Variants in PIEZO2 observed in about 807,000 individuals in gnomAD.
PIEZO2 encodes the protein piezo type mechanosensitive ion channel component 2.
PIEZO2 carries 172 observed loss-of-function variants against 337.3 expected under a neutral mutation model. The ratio of observed to expected loss-of-function variants is 0.51; its 90% CI spans 0.45 to 0.58. PIEZO2 has a LOEUF of 0.58. PIEZO2 is among the 20% of genes least tolerant of loss of function. The probability of loss-of-function intolerance (pLI) is 0.00; values close to 1 mark genes in which losing one functional copy is unlikely to be tolerated. For synonymous variants in PIEZO2, 1,251 were observed against 1,228.5 expected (o/e 1.02, Z -0.38); for missense variants, 3,028 against 3,391.3 (o/e 0.89, Z 2.66).
chr18:10,992,417 A>G (rs1390025786), intron 2 of PIEZO2, among the ~76,000 whole-genome samples: 2 of 152,194 alleles, frequency 1.3e-5, no homozygotes, highest in Non-Finnish European at 1.5e-5. Context: ...ACAAGGTGTA[A>G]GGAAGGGGTC....
intron 7 of PIEZO2, 81 bp from the exon 8 acceptor site, chr18:10,807,355 G>A: frequency 7.6e-7 from 1 of 1,315,010 alleles, no homozygotes. Flanking sequence ...CTTTGTTTTT[G>A]ATACATTCGT....
At chr18:11,053,926 A>C (rs1489275768) in intron 2 of PIEZO2, among the ~76,000 whole-genome samples, 1 of 152,146 alleles carries the variant, frequency 6.6e-6, no homozygotes, top group East Asian at 1.9e-4. Flanking sequence ...TGGGAGGCTG[A>C]GGTGGGAGAA....
rs951861329 is a variant in PIEZO2 at position 11,047,944 on chromosome 18, G to A, written c.160+18183C>T. On this transcript the variant is annotated intron_variant, in intron 2 of 55. Coordinates refer to ENST00000674853, the MANE Select transcript of PIEZO2 (RefSeq NM_001378183.1). The surrounding 1 kb of genome is among the most constrained non-coding windows in gnomAD (Gnocchi z 7.2). Reference sequence around the variant, plus strand: ...GAGGAAAAACAGGCATCTTGAGGACGTGAAATCCACATGCAATCCTGCACA... The same window carrying A: ...GAGGAAAAACAGGCATCTTGAGGACATGAAATCCACATGCAATCCTGCACA... 6.6e-5 allele frequency among the ~76,000 whole-genome samples: 10 copies of A among 152,166 alleles called. No homozygotes were observed. The East Asian group carries it at 1.2e-3, about 18-fold the overall frequency.
intron 27 of PIEZO2, among the ~76,000 whole-genome samples, chr18:10,756,218 G>A (rs371081487): frequency 1.3e-4 from 20 of 150,198 alleles, no homozygotes; most frequent in South Asian, 8.5e-4. Flanking sequence ...AGGAGGGATG[G>A]GAGACAAGGA....
Position 10,862,118 on chromosome 18 carries a change from A to T in PIEZO2, c.493-4907T>A, listed in dbSNP as rs1481410049. On this transcript the variant is annotated intron_variant, in intron 5 of 55. Coordinates refer to ENST00000674853, the MANE Select transcript of PIEZO2 (RefSeq NM_001378183.1). The surrounding 1 kb of genome is among the most constrained non-coding windows in gnomAD (Gnocchi z 4.4). ...AAATAAATAATAAGTATTTGAGATG[A>T]TGAATATGCTAATTAGCCTGATTTG... 6.6e-6 allele frequency among the ~76,000 whole-genome samples: 1 copy of T among 152,182 alleles called. No individual in the cohort carries two copies. Among genetic ancestry groups the T allele is most frequent in the African/African-American group, 2.4e-5 (1 of 41,450 alleles).
intron 1 of PIEZO2, among the ~76,000 whole-genome samples, chr18:11,074,311 C>A (rs1356936974): frequency 6.6e-6 from 1 of 152,172 alleles, no homozygotes; most frequent in Non-Finnish European, 1.5e-5. Context: ...CCTTCATCCT[C>A]TGGCAGCAAC....
chr18:11,066,054 CCA>C, intron 2 of PIEZO2, 71 bp downstream of exon 2: 1 of 1,236,932 alleles, frequency 8.1e-7, no homozygotes, highest in Non-Finnish European at 1.1e-6. Context: ...TAGATAAAGG[CCA>C]TCCCAAGGAG....
At chr18:10,868,984 G>A (rs2042074520) in intron 5 of PIEZO2, among the ~76,000 whole-genome samples, 1 of 152,170 alleles carries the variant, frequency 6.6e-6, no homozygotes, top group South Asian at 2.1e-4. Flanking sequence ...GAGTGGGTTG[G>A]CCTCAAAATA....
intron 2 of PIEZO2, among the ~76,000 whole-genome samples, chr18:10,991,218 A>G (rs1598793579): frequency 6.7e-6 from 1 of 149,714 alleles, no homozygotes; most frequent in East Asian, 2.0e-4. Flanking sequence ...ATATATATAC[A>G]CACACACACA....
In PIEZO2 at chr18:11,075,916, GT is replaced by G. The variant is rs368923820; in HGVS notation, c.65-9695del. 9.7e-3 allele frequency among the ~76,000 whole-genome samples: 1,460 copies of G among 151,232 alleles called. 26 individuals are homozygous for G. The highest frequency in any genetic ancestry group is 0.033 in the African/African-American group (1,355 of 41,188). ...CCATTCTCCTGCCTCAGCCTCCCGA[GT>G]TAGCTGGGACTACAGGTGCCCGCCA... is the stretch of plus-strand genomic sequence containing the variant. On this transcript the variant is annotated intron_variant, in intron 1 of 55. Transcript: ENST00000674853.
At chr18:10,718,104 G>A (rs548469904) in intron 37 of PIEZO2, 96 bp downstream of exon 37, 18 of 1,068,856 alleles carry the variant, frequency 1.7e-5, no homozygotes, top group Non-Finnish European at 2.2e-5. Context: ...AACAGTGTTC[G>A]ATTCACAATT....
chr18:10,855,342 A>G lies in PIEZO2; in HGVS notation c.917+11T>C. ...AACCTCTCCTGGAAATGCCATAAGG[A>G]TTTCTCTTACCTTGCATAGTAGTCA... On this transcript the variant is annotated intron_variant, in intron 7 of 55. Coordinates refer to ENST00000674853, the MANE Select transcript of PIEZO2 (RefSeq NM_001378183.1). This position sits in a 1 kb window ranked among gnomAD's most constrained non-coding sequence, Gnocchi z 4.9. The G allele has an allele frequency of 6.6e-7, 1 of 1,525,046 alleles. No individual in the cohort carries two copies. Among genetic ancestry groups the G allele is most frequent in the Non-Finnish European group, 8.8e-7 (1 of 1,135,956 alleles). The allele number at this position is 1,525,046 out of a possible 1,614,324, so 94.5% of individuals were successfully genotyped here.
intron 30 of PIEZO2, 130 bp from the exon 31 acceptor site, chr18:10,744,361 G>A (rs2037342573): frequency 1.6e-6 from 1 of 627,960 alleles, no homozygotes; most frequent in Admixed American, 2.6e-5. Flanking sequence ...TTTCCTGGCT[G>A]GGAGCAGGAG....
Position 10,731,175 on chromosome 18 carries a change from GATTATATAT to G in PIEZO2, c.5029+223_5029+231del, listed in dbSNP as rs1478458213. ...AACTCTCCTTTTTTCCTACTTAAAA[GATTATATAT>G]ATATATATATATATATATATATATA... is the stretch of plus-strand genomic sequence containing the variant. On this transcript the variant is annotated intron_variant, in intron 36 of 55. Coordinates refer to ENST00000674853, the MANE Select transcript of PIEZO2 (RefSeq NM_001378183.1). Among the ~76,000 whole-genome samples the G allele has an allele frequency of 0.025, 2,995 of 117,612 alleles. 142 individuals are homozygous for G. The highest frequency in any genetic ancestry group is 0.072 in the Admixed American group (781 of 10,832). 77.2% of individuals were successfully genotyped at this position (117,612 alleles called of 152,430 possible). A position where few individuals can be genotyped will look rare whatever the true frequency, so the allele number is the denominator to read the frequency against.
chr18:10,825,843 G>A (rs1436653520), intron 7 of PIEZO2, among the ~76,000 whole-genome samples: 3 of 152,108 alleles, frequency 2.0e-5, no homozygotes, highest in Non-Finnish European at 4.4e-5. Flanking sequence ...GAGCCACCAT[G>A]CCTGGCCTCC....
rs1036762824 is a variant in PIEZO2, at chr18:11,143,934, G to A, written c.64+4591C>T. ...CATGTAATTCTTGAGTGTTAAAAGC[G>A]AAACAAAACCATAATAGAATATGTT... On this transcript the variant is annotated intron_variant, in intron 1 of 55. Transcript: ENST00000674853. This position sits in a 1 kb window ranked among gnomAD's most constrained non-coding sequence, Gnocchi z 4.9. 6.6e-6 allele frequency among the ~76,000 whole-genome samples: 1 copy of A among 152,092 alleles called. No individual in the cohort carries two copies. The highest frequency in any genetic ancestry group is 1.5e-5 in the Non-Finnish European group (1 of 68,020).
rs1299255998 is a variant in PIEZO2 at position 10,680,273 on chromosome 18, A to C, written c.7878T>G (p.Ser2626Arg). 1.3e-5 allele frequency: 21 copies of C among 1,614,074 alleles called. No individual in the cohort carries two copies. Among genetic ancestry groups the C allele is most frequent in the Non-Finnish European group, 1.8e-5 (21 of 1,179,914 alleles). The change falls in exon 52 of 56, where the codon AGT becomes AGG. Residue 2626 changes from serine (S) to arginine (R), a missense_variant. This residue lies in a region of PIEZO2 where 332 missense variants were observed against 363.8 expected (regional missense o/e 0.91). Coordinates refer to ENST00000674853, the MANE Select transcript of PIEZO2 (RefSeq NM_001378183.1). ...SNSLWTISPP[S>R]KQKMIHELLD... ...GGAGTTCGTGTATCATTTTCTGCTT[A>C]CTGGGTGGGCTGATGGTCCACAAAG...
intron 52 of PIEZO2, among the ~76,000 whole-genome samples, chr18:10,678,743 A>C (rs572729): frequency 0.67 from 102,286 of 151,970 alleles, 36,760 homozygotes; most frequent in Non-Finnish European, 0.78. Context: ...TACCAACACA[A>C]GGAAAAACAA....
At chr18:10,705,264 A>G (rs1263193655) in intron 41 of PIEZO2, 72 bp downstream of exon 41, 3 of 1,428,068 alleles carry the variant, frequency 2.1e-6, no homozygotes, top group Non-Finnish European at 2.8e-6. Context: ...ATTTTTCTGT[A>G]TACAGAATTA....
Sources: gnomAD v4.1 joint callset for allele counts (sites outside exome capture counted in the v4.1 genomes callset) on GRCh38, gnomAD v4.1.1 for gene constraint, gnomAD v4.1.1 regional missense constraint, Gnocchi (gnomAD v3.1) non-coding constraint, MANE v1.5 for transcripts, NCBI Gene and HGNC (gene_info 2026-07-23, HGNC 2026-07-21) for gene names.